The following SHISA6 variants were observed in gnomAD, a reference collection of about 807,000 sequenced individuals.
The protein encoded by SHISA6 is protein shisa-6.
Under a neutral mutation model 47.9 loss-of-function variants are expected in SHISA6, and 22 were observed. The ratio of observed to expected loss-of-function variants is 0.46; its 90% CI spans 0.33 to 0.66. SHISA6 has a LOEUF of 0.66. Ranked by LOEUF, SHISA6 falls within the 30% of genes least tolerant of loss-of-function variation. The probability of loss-of-function intolerance (pLI) is 0.02; values close to 1 mark genes in which losing one functional copy is unlikely to be tolerated. For synonymous variants in SHISA6, 388 were observed against 337.8 expected, an observed-to-expected ratio of 1.15 and a Z score of -1.63; for missense variants, 680 against 764.6, an observed-to-expected ratio of 0.89 and a Z score of 1.30.
chr17:11,481,329 A>T (rs1177923678), intron 3 of SHISA6, among the ~76,000 whole-genome samples: 5 of 129,502 alleles, frequency 3.9e-5, no homozygotes, highest in Non-Finnish European at 6.4e-5. Flanking sequence ...CCTCTCAAAA[A>T]ATATATATGT....
chr17:11,515,687 C>T (rs543205462), intron 3 of SHISA6, among the ~76,000 whole-genome samples: 39 of 152,186 alleles, frequency 2.6e-4, no homozygotes, highest in Non-Finnish European at 4.1e-4. Flanking sequence ...GTGGGTCAGA[C>T]GCTGACCAAA....
intron 1 of SHISA6, among the ~76,000 whole-genome samples, chr17:11,246,306 C>T (rs965091585): frequency 2.6e-5 from 4 of 151,990 alleles, no homozygotes; most frequent in Admixed American, 6.6e-5. Flanking sequence ...CTGGCTAACA[C>T]GGTGAAATCC....
At chr17:11,505,077 C>A (rs1217558905) in intron 3 of SHISA6, among the ~76,000 whole-genome samples, 1 of 152,210 alleles carries the variant, frequency 6.6e-6, no homozygotes, top group Non-Finnish European at 1.5e-5. Flanking sequence ...TATTCAGAGG[C>A]TGGAACTACC....
intron 3 of SHISA6, among the ~76,000 whole-genome samples, chr17:11,397,393 C>CTG (rs1287850804): frequency 6.1e-5 from 3 of 49,536 alleles, no homozygotes; most frequent in African/African-American, 2.9e-4. Flanking sequence ...TCTTACCTGC[C>CTG]TCTGTGTGTG....
At chr17:11,284,119 A>G (rs915541458) in intron 2 of SHISA6, among the ~76,000 whole-genome samples, 7 of 152,038 alleles carry the variant, frequency 4.6e-5, no homozygotes, top group Admixed American at 1.3e-4. Flanking sequence ...GGCATGCACA[A>G]TCCTCCCCCT....
intron 3 of SHISA6, among the ~76,000 whole-genome samples, chr17:11,528,719 C>CAGATGGTG (rs1419106653): frequency 6.6e-6 from 1 of 152,148 alleles, no homozygotes; most frequent in Non-Finnish European, 1.5e-5. Context: ...AGAAGCACCC[C>CAGATGGTG]AGATGGTGTC....
chr17:11,537,487 T>A (rs2071797448), intron 3 of SHISA6, among the ~76,000 whole-genome samples: 1 of 152,102 alleles, frequency 6.6e-6, no homozygotes, highest in Non-Finnish European at 1.5e-5. Context: ...CAAGCCGAAG[T>A]GCCAAGTGTG....
At chr17:11,277,392 A>T (rs972667608) in intron 2 of SHISA6, among the ~76,000 whole-genome samples, 2 of 151,984 alleles carry the variant, frequency 1.3e-5, no homozygotes, top group Admixed American at 6.6e-5. Context: ...ATATCTCATC[A>T]GAATGATAAG....
intron 3 of SHISA6, among the ~76,000 whole-genome samples, chr17:11,414,492 C>T (rs11870011): frequency 1.4e-4 from 22 of 152,252 alleles, no homozygotes; most frequent in African/African-American, 4.8e-4. Context: ...CCTGCCCCTC[C>T]CTGCCATTGA....
chr17:11,555,656 A>C, intron 4 of SHISA6, 84 bp from the exon 5 acceptor site: 1 of 1,396,062 alleles, frequency 7.2e-7, no homozygotes, highest in Non-Finnish European at 9.4e-7. Flanking sequence ...GAGGATGGGG[A>C]TTCGAATCAG....
chr17:11,421,525 C>T (rs1303226400), intron 3 of SHISA6, among the ~76,000 whole-genome samples: 2 of 152,202 alleles, frequency 1.3e-5, no homozygotes, highest in African/African-American at 4.8e-5. Context: ...TAGCCATTAC[C>T]ATTCGCTGTC....
chr17:11,494,961 G>A (rs1351285250), intron 3 of SHISA6, among the ~76,000 whole-genome samples: 1 of 152,156 alleles, frequency 6.6e-6, no homozygotes, highest in Non-Finnish European at 1.5e-5. Context: ...ACAGGACCAC[G>A]AGCCTGAGGA....
chr17:11,310,169 C>A (rs1342373700), intron 2 of SHISA6, among the ~76,000 whole-genome samples: 1 of 152,130 alleles, frequency 6.6e-6, no homozygotes, highest in Admixed American at 6.5e-5. Flanking sequence ...ATGCTATTTT[C>A]TTACTGTCTT....
At chr17:11,358,485 G>A (rs937754759) in intron 2 of SHISA6, among the ~76,000 whole-genome samples, 4 of 150,812 alleles carry the variant, frequency 2.7e-5, no homozygotes, top group South Asian at 2.1e-4. Context: ...TCAGCCTCCC[G>A]AGTAGCTGGG....
intron 5 of SHISA6, among the ~76,000 whole-genome samples, chr17:11,557,411 G>A (rs1282812818): frequency 6.6e-6 from 1 of 152,164 alleles, no homozygotes; most frequent in East Asian, 1.9e-4. Context: ...ACACACTGGG[G>A]ATTCTGAGGA....
intron 3 of SHISA6, 114 bp downstream of exon 3, chr17:11,379,623 G>A: frequency 1.0e-5 from 7 of 684,474 alleles, no homozygotes; most frequent in Non-Finnish European, 1.7e-5. Flanking sequence ...TAAGTGGGGT[G>A]GTTCCATGGC....
intron 3 of SHISA6, among the ~76,000 whole-genome samples, chr17:11,384,002 G>A (rs1913115880): frequency 6.6e-6 from 1 of 150,404 alleles, no homozygotes; most frequent in Admixed American, 6.6e-5. Context: ...TATGTACCAG[G>A]TCTTTACATA....
At chr17:11,273,495 G>T (rs1486311054) in intron 2 of SHISA6, among the ~76,000 whole-genome samples, 2 of 152,252 alleles carry the variant, frequency 1.3e-5, no homozygotes, top group Admixed American at 6.5e-5. Context: ...ACTCCGTGAT[G>T]ATTTTAAGCA....
intron 3 of SHISA6, among the ~76,000 whole-genome samples, chr17:11,402,917 A>G (rs984279723): frequency 3.3e-5 from 5 of 152,168 alleles, no homozygotes; most frequent in African/African-American, 1.2e-4. Context: ...AGCGATGGTA[A>G]TTGCACACTG....
Sources: gnomAD v4.1 joint callset for allele counts (sites outside exome capture counted in the v4.1 genomes callset) on GRCh38, gnomAD v4.1.1 for gene constraint, MANE v1.5 for transcripts, NCBI Gene and HGNC (gene_info 2026-07-23, HGNC 2026-07-21) for gene names.